The following COL4A2 variants were observed in gnomAD, a reference collection of about 807,000 sequenced individuals.
COL4A2 encodes collagen type IV alpha 2 chain, also known as collagen alpha-2(IV) chain.
In COL4A2, 99 loss-of-function variants were observed where a neutral mutation model predicts 200.2. The observed-to-expected ratio is 0.49, with a 90% CI of 0.42 to 0.58. The LOEUF (loss-of-function observed/expected upper bound fraction) is 0.58. COL4A2 is among the 20% of genes least tolerant of loss of function. COL4A2 has a pLI of 0.00. For synonymous variants in COL4A2, 897 were observed against 900.6 expected, an observed-to-expected ratio of 1.00 and a Z score of 0.07; for missense variants, 1,950 against 2,314.1, an observed-to-expected ratio of 0.84 and a Z score of 3.23.
At chr13:110,459,085 T>G in intron 22 of COL4A2, 151 bp downstream of exon 22, 6 of 733,734 alleles carry the variant, frequency 8.2e-6, no homozygotes, top group Non-Finnish European at 1.2e-5. Context: ...AAAACCCACA[T>G]ACCCCAAGGC....
chr13:110,317,092 CACAT>C lies in COL4A2; in HGVS notation c.99+8973_99+8976del, dbSNP rs1269257142. Among the ~76,000 whole-genome samples, 5 of 151,512 alleles carry C rather than the reference CACAT, an allele frequency of 3.3e-5. No individual in the cohort carries two copies. The East Asian group carries it at 7.8e-4, about 23-fold the overall frequency. On this transcript the variant is annotated intron_variant, in intron 3 of 47. Coordinates refer to ENST00000360467, the MANE Select transcript of COL4A2 (RefSeq NM_001846.4). Reference sequence around the variant, plus strand: ...TAGACACACACATGCACCCAGCACACACATACAGACACACACATGCACATATAGA... The same window carrying C: ...TAGACACACACATGCACCCAGCACACACAGACACACACATGCACATATAGA...
intron 3 of COL4A2, among the ~76,000 whole-genome samples, chr13:110,314,742 C>T (rs1339885560): frequency 6.6e-6 from 1 of 152,224 alleles, no homozygotes; most frequent in Non-Finnish European, 1.5e-5. Flanking sequence ...TACGCGCTCA[C>T]CCCTAGGAAC....
intron 10 of COL4A2, among the ~76,000 whole-genome samples, chr13:110,431,513 C>T (rs549722154): frequency 3.3e-5 from 5 of 152,286 alleles, no homozygotes; most frequent in South Asian, 2.1e-4. Context: ...CAAGTAGCCC[C>T]GTCTGTGAAA....
At chr13:110,384,998 C>A (rs1448061584) in intron 4 of COL4A2, among the ~76,000 whole-genome samples, 2 of 152,222 alleles carry the variant, frequency 1.3e-5, no homozygotes, top group Non-Finnish European at 2.9e-5. Context: ...GGCGCGGTGG[C>A]TCACGCCTGT....
chr13:110,419,329 GT>G (rs1241748602), intron 4 of COL4A2, among the ~76,000 whole-genome samples: 1 of 152,198 alleles, frequency 6.6e-6, no homozygotes, highest in Non-Finnish European at 1.5e-5. Flanking sequence ...ATCCTGATGT[GT>G]AGTGAAGCCA....
At chr13:110,315,385 T>C (rs1885104289) in intron 3 of COL4A2, among the ~76,000 whole-genome samples, 1 of 152,218 alleles carries the variant, frequency 6.6e-6, no homozygotes, top group Non-Finnish European at 1.5e-5. Flanking sequence ...ATCCACTTTT[T>C]TTGTTTGTTT....
chr13:110,428,580 T>C lies in COL4A2; in HGVS notation c.474T>C (p.Pro158=). The C allele has an allele frequency of 6.6e-7, 1 of 1,519,750 alleles. No homozygotes were observed. 94.1% of individuals were successfully genotyped at this position (1,519,750 alleles called of 1,614,324 possible). The change falls in exon 7 of 48, where the codon CCT becomes CCC. Residue 158 remains proline, a synonymous_variant. Transcript: ENST00000360467. ...GPPGSEGFTG[P]PGPQGPKGQK... ...CCGGCTCTGAGGGGTTCACCGGGCC[T>C]CCCGTGAGTATCCCCACAGCGCCTG...
chr13:110,351,081 C>T (rs1876935285), intron 3 of COL4A2, among the ~76,000 whole-genome samples: 1 of 152,064 alleles, frequency 6.6e-6, no homozygotes, highest in Non-Finnish European at 1.5e-5. Flanking sequence ...TAGGGTCTTG[C>T]TCTGTTGCCC....
chr13:110,410,987 C>G (rs1328797903), intron 4 of COL4A2, among the ~76,000 whole-genome samples: 1 of 152,174 alleles, frequency 6.6e-6, no homozygotes, highest in Admixed American at 6.5e-5. Context: ...ACCATTCTGC[C>G]CTTTTCTCCT....
chr13:110,410,286 G>C (rs1879780152), intron 4 of COL4A2, among the ~76,000 whole-genome samples: 1 of 152,204 alleles, frequency 6.6e-6, no homozygotes, highest in Non-Finnish European at 1.5e-5. Context: ...GTTAGCCCAG[G>C]TTGTTCTCTA....
chr13:110,430,029 A>G, intron 8 of COL4A2, 73 bp downstream of exon 8: 2 of 1,433,424 alleles, frequency 1.4e-6, no homozygotes, highest in Non-Finnish European at 1.9e-6. Flanking sequence ...GTTAATTGCC[A>G]AGTGAACTTT....
At chr13:110,428,924 T>C (rs1046740469) in intron 7 of COL4A2, 2 of 215,230 alleles carry the variant, frequency 9.3e-6, no homozygotes, top group African/African-American at 2.3e-5. Context: ...TTTATCAGAT[T>C]ATGAAATACT....
chr13:110,490,194 C>A (rs993580801), intron 36 of COL4A2, among the ~76,000 whole-genome samples: 2 of 152,222 alleles, frequency 1.3e-5, no homozygotes, highest in African/African-American at 4.8e-5. Context: ...GTCAGGCCAT[C>A]GCTTGAGAGA....
At chr13:110,345,685 GATTTACAAAAAC>G in intron 3 of COL4A2, among the ~76,000 whole-genome samples, 1 of 152,196 alleles carries the variant, frequency 6.6e-6, no homozygotes, top group East Asian at 1.9e-4. Flanking sequence ...AGCCATTAGT[GATTTACAAAAAC>G]ATGAAGGGTG....
In COL4A2 at chr13:110,503,310, C is replaced by G; in HGVS notation, c.4039+28C>G. ...AACAGTGCCCATGGCCATGGGCCAGCAGCCCTGGCCACAGTGAGAGGAGCC... is the reference window on the plus strand; with the variant it reads ...AACAGTGCCCATGGCCATGGGCCAGGAGCCCTGGCCACAGTGAGAGGAGCC... On this transcript the variant is annotated intron_variant, in intron 42 of 47. Coordinates refer to ENST00000360467, the MANE Select transcript of COL4A2 (RefSeq NM_001846.4). 3 of 1,588,404 alleles carry G rather than the reference C, an allele frequency of 1.9e-6. No homozygotes were observed. In the South Asian group the frequency reaches 3.4e-5, roughly 18 times the overall value.
intron 4 of COL4A2, among the ~76,000 whole-genome samples, chr13:110,360,867 T>C (rs531251316): frequency 1.3e-5 from 2 of 151,394 alleles, no homozygotes; most frequent in African/African-American, 4.8e-5. Flanking sequence ...TGGCTGTACC[T>C]GTACCTCTGG....
chr13:110,486,240 G>A (rs960223642), intron 34 of COL4A2, among the ~76,000 whole-genome samples: 11 of 152,302 alleles, frequency 7.2e-5, no homozygotes, highest in East Asian at 1.9e-4. Context: ...CCGGGCCACC[G>A]TTCACTCAGC....
chr13:110,497,570 CAG>C (rs1167388811), intron 40 of COL4A2, among the ~76,000 whole-genome samples: 74 of 147,086 alleles, frequency 5.0e-4, no homozygotes, highest in South Asian at 8.9e-4. Context: ...AACCTCCACT[CAG>C]GGCTGAGGAT....
intron 3 of COL4A2, among the ~76,000 whole-genome samples, chr13:110,324,108 GT>G (rs35281722): frequency 0.11 from 16,713 of 149,296 alleles, 1,105 homozygotes; most frequent in Non-Finnish European, 0.15. Flanking sequence ...TAATAGCATG[GT>G]TTTTTTTTTT....
Sources: gnomAD v4.1 joint callset for allele counts (sites outside exome capture counted in the v4.1 genomes callset) on GRCh38, gnomAD v4.1.1 for gene constraint, MANE v1.5 for transcripts, NCBI Gene and HGNC (gene_info 2026-07-23, HGNC 2026-07-21) for gene names.